ERAP1: variants seen among roughly 807,000 people sequenced by gnomAD.
The protein encoded by ERAP1 is endoplasmic reticulum aminopeptidase 1, also known as adipocyte-derived leucine aminopeptidase.
Under a neutral mutation model 103.7 loss-of-function variants are expected in ERAP1, and 86 were observed. The ratio of observed to expected loss-of-function variants is 0.83; its 90% CI spans 0.70 to 0.99. The LOEUF (loss-of-function observed/expected upper bound fraction) is 0.99, where lower values mean the gene tolerates loss of function less well. Among genes scored for constraint, ERAP1 ranks in the 50% least tolerant of loss-of-function variants. ERAP1 has a pLI of 0.00. For missense variants in ERAP1, 1,009 were observed against 1,128.4 expected (o/e 0.89, Z 1.52); for synonymous variants, 398 against 402.4 (o/e 0.99, Z 0.13).
chr5:96,878,906 C>T, the ERAP1 span, among the ~76,000 whole-genome samples: 1 of 152,104 alleles, frequency 6.6e-6, no homozygotes, highest in African/African-American at 2.4e-5. Context: ...CCAACCTGGA[C>T]AACAGCGAGA....
chr5:96,877,742 A>G, the ERAP1 span, among the ~76,000 whole-genome samples: 1 of 152,128 alleles, frequency 6.6e-6, no homozygotes, highest in African/African-American at 2.4e-5. Flanking sequence ...TTTTTTTTAA[A>G]CCCTCCAAAA....
At chr5:96,794,814 T>C (rs1460076499) in intron 5 of ERAP1, among the ~76,000 whole-genome samples, 2 of 152,230 alleles carry the variant, frequency 1.3e-5, no homozygotes, top group African/African-American at 4.8e-5. Flanking sequence ...CCATGCCATA[T>C]GCCTCAAGAA....
At chr5:96,854,174 T>C in the ERAP1 span, among the ~76,000 whole-genome samples, 1 of 152,228 alleles carries the variant, frequency 6.6e-6, no homozygotes, top group African/African-American at 2.4e-5. Flanking sequence ...CTATAAAATA[T>C]GGATAATAGT....
chr5:96,797,185 C>G lies in ERAP1; in HGVS notation c.788G>C (p.Ser263Thr), dbSNP rs1777437662. ...DFESVSKITK[S>T]GVKVSVYAVP... ...CAGTCATAGGCTCACCTTGACTCCACTCTTGGTTATCTTGCTGACAGACTC... is the reference window on the plus strand; with the variant it reads ...CAGTCATAGGCTCACCTTGACTCCAGTCTTGGTTATCTTGCTGACAGACTC... The change falls in exon 4 of 19, where the codon AGT becomes ACT. Residue 263 changes from serine (S) to threonine (T), a missense_variant. By Grantham distance (58) the Ser-to-Thr change is moderately conservative. Transcript: ENST00000443439. 6.2e-7 allele frequency: 1 copy of G among 1,614,166 alleles called. No homozygotes were observed.
the ERAP1 span, among the ~76,000 whole-genome samples, chr5:96,853,924 G>A: frequency 1.3e-5 from 2 of 151,252 alleles, no homozygotes; most frequent in Non-Finnish European, 2.9e-5. Context: ...GCTCTTAACA[G>A]TGATAGCAAT....
At chr5:96,762,359 C>T (rs1351870922) in exon 20 of ERAP1, 1 of 1,596,246 alleles carries the variant, frequency 6.3e-7, no homozygotes, top group South Asian at 1.1e-5. Context: ...GGAGCCCCAC[C>T]CCGTGATACC....
upstream of ERAP1, among the ~76,000 whole-genome samples, chr5:96,812,628 T>A (rs1779217477): frequency 6.6e-6 from 1 of 152,274 alleles, no homozygotes; most frequent in Non-Finnish European, 1.5e-5. Context: ...AATGAATATC[T>A]GTTGCAATAA....
intron 3 of ERAP1, among the ~76,000 whole-genome samples, chr5:96,798,838 A>C (rs1161591115): frequency 7.0e-6 from 1 of 143,206 alleles, no homozygotes; most frequent in African/African-American, 2.6e-5. Flanking sequence ...TTTTAAATGC[A>C]TTCTGCTTCT....
chr5:96,764,029 AT>A (rs1479374130), intron 19 of ERAP1, among the ~76,000 whole-genome samples: 1 of 151,898 alleles, frequency 6.6e-6, no homozygotes, highest in Non-Finnish European at 1.5e-5. Flanking sequence ...TGGATAGTGT[AT>A]GTGAAAACAT....
chr5:96,896,225 G>A, the ERAP1 span: 1 of 568,762 alleles, frequency 1.8e-6, no homozygotes, highest in Admixed American at 3.7e-5. Context: ...TTTGGCCAAA[G>A]GGGAATACAT....
At chr5:96,836,765 T>C in the ERAP1 span, among the ~76,000 whole-genome samples, 1 of 152,188 alleles carries the variant, frequency 6.6e-6, no homozygotes, top group Non-Finnish European at 1.5e-5. Flanking sequence ...TAAAGAGCCA[T>C]ATGTGGATGC....
chr5:96,858,010 T>C, the ERAP1 span, among the ~76,000 whole-genome samples: 26 of 152,156 alleles, frequency 1.7e-4, no homozygotes, highest in Admixed American at 1.6e-3. Context: ...ATGGGTCATA[T>C]AGCAAGGGCA....
chr5:96,893,988 G>C, the ERAP1 span, among the ~76,000 whole-genome samples: 1 of 152,248 alleles, frequency 6.6e-6, no homozygotes, highest in Non-Finnish European at 1.5e-5. Flanking sequence ...AATGAACACT[G>C]TCCTGGCAAA....
chr5:96,854,878 T>A, the ERAP1 span, among the ~76,000 whole-genome samples: 1 of 152,190 alleles, frequency 6.6e-6, no homozygotes, highest in African/African-American at 2.4e-5. Flanking sequence ...GCCTTTTTAA[T>A]CATTAATTTT....
chr5:96,790,115 A>G (rs549251485), intron 10 of ERAP1, among the ~76,000 whole-genome samples, 181 bp downstream of exon 10: 14 of 152,364 alleles, frequency 9.2e-5, no homozygotes, highest in African/African-American at 2.6e-4. Context: ...ACCCTCCAGT[A>G]TAGATACACT....
the ERAP1 span, among the ~76,000 whole-genome samples, chr5:96,912,279 TA>T: frequency 6.6e-6 from 1 of 151,878 alleles, no homozygotes; most frequent in African/African-American, 2.4e-5. Context: ...AAAAAAATCT[TA>T]TAGCACCAAT....
chr5:96,908,953 T>C, the ERAP1 span: 3 of 1,610,438 alleles, frequency 1.9e-6, no homozygotes, highest in East Asian at 2.2e-5. Context: ...ATTTGTTTTA[T>C]ACTTCAGTGC....
chr5:96,906,943 G>T, the ERAP1 span, among the ~76,000 whole-genome samples: 1 of 152,128 alleles, frequency 6.6e-6, no homozygotes, highest in Non-Finnish European at 1.5e-5. Context: ...CAGGAGAATC[G>T]CTTGAACCCG....
At chr5:96,845,869 T>C in the ERAP1 span, among the ~76,000 whole-genome samples, 1 of 152,180 alleles carries the variant, frequency 6.6e-6, no homozygotes, top group African/African-American at 2.4e-5. Context: ...AGGAGAGAAA[T>C]TATACAAGTA....
Sources: gnomAD v4.1 joint callset for allele counts (sites outside exome capture counted in the v4.1 genomes callset) on GRCh38, gnomAD v4.1.1 for gene constraint, MANE v1.5 for transcripts, NCBI Gene and HGNC (gene_info 2026-07-23, HGNC 2026-07-21) for gene names.